Variants in ARHGAP6 observed in about 807,000 individuals in gnomAD.
ARHGAP6 encodes Rho GTPase activating protein 6.
A neutral mutation model predicts 55.7 loss-of-function variants in ARHGAP6; 16 were observed. The observed-to-expected ratio is 0.29, with a 90% CI of 0.19 to 0.44. ARHGAP6 has a LOEUF of 0.44. Ranked by LOEUF, ARHGAP6 falls within the 20% of genes least tolerant of loss-of-function variation. ARHGAP6 has a pLI of 1.00. For synonymous variants in ARHGAP6, 382 were observed against 360.9 expected (o/e 1.06, Z -0.66); for missense variants, 698 against 808.9 (o/e 0.86, Z 1.66).
At chrX:11,452,302 C>T (rs2050150747) in intron 1 of ARHGAP6, among the ~76,000 whole-genome samples, 1 of 111,640 alleles carries the variant, frequency 9.0e-6, no homozygotes, top group Non-Finnish European at 1.9e-5. Flanking sequence ...CATGCACCAT[C>T]ATGCCCAGCT....
intron 1 of ARHGAP6, among the ~76,000 whole-genome samples, chrX:11,498,662 G>T (rs2050647105): frequency 9.0e-6 from 1 of 111,382 alleles, no homozygotes; most frequent in African/African-American, 3.3e-5. Flanking sequence ...AATCAAAGTG[G>T]GGTAACATTT....
At chrX:11,386,057 C>T (rs1328703962) in intron 1 of ARHGAP6, among the ~76,000 whole-genome samples, 1 of 112,328 alleles carries the variant, frequency 8.9e-6, no homozygotes, top group Admixed American at 9.4e-5. Flanking sequence ...ACAGCAAAGA[C>T]AATTCCTGAG....
chrX:11,568,960 G>T (rs2051480623), intron 1 of ARHGAP6, among the ~76,000 whole-genome samples: 2 of 111,811 alleles, frequency 1.8e-5, no homozygotes, highest in African/African-American at 6.5e-5. Context: ...TAAAATCTAT[G>T]TCTAGGCCCA....
At chrX:11,225,922 C>A (rs750421269) in intron 2 of ARHGAP6, among the ~76,000 whole-genome samples, 2 of 109,299 alleles carry the variant, frequency 1.8e-5, no homozygotes, top group African/African-American at 6.6e-5. Flanking sequence ...CTTTAACTGA[C>A]TTCTAGGATT....
At chrX:11,364,156 T>C (rs1269398088) in intron 1 of ARHGAP6, among the ~76,000 whole-genome samples, 1 of 110,461 alleles carries the variant, frequency 9.1e-6, no homozygotes, top group Non-Finnish European at 1.9e-5. Flanking sequence ...AAACATTTAG[T>C]ACACATGGAT....
intron 1 of ARHGAP6, among the ~76,000 whole-genome samples, chrX:11,638,481 T>A (rs1169571602): frequency 8.9e-6 from 1 of 111,979 alleles, no homozygotes; most frequent in Non-Finnish European, 1.9e-5. Flanking sequence ...TTAGACACTT[T>A]TAGTGATTAC....
In ARHGAP6 at chrX:11,188,749, C is replaced by T. The variant is rs760705067; in HGVS notation, c.1056G>A (p.Pro352=). The T allele has an allele frequency of 1.1e-5, 13 of 1,209,400 alleles. No homozygotes were observed. The highest frequency in any genetic ancestry group is 6.6e-5 in the Admixed American group (3 of 45,759). The change falls in exon 4 of 13, where the codon CCG becomes CCA. Residue 352 remains proline (P), a synonymous_variant. Transcript: ENST00000337414. ...NESTSPNTPE[P]APRARRRGAM... The stretch of plus-strand genomic sequence containing the variant: ...TCACCCTCCTCCTAGCCCGAGGAGC[C>T]GGTTCCGGGGTGTTTGGGGACGTTG...
chrX:11,493,885 G>C (rs1370310886), intron 1 of ARHGAP6, among the ~76,000 whole-genome samples: 1 of 100,040 alleles, frequency 1.0e-5, no homozygotes, highest in Non-Finnish European at 2.0e-5. Context: ...CCAGGCTGGA[G>C]TATAATAGCA....
intron 1 of ARHGAP6, among the ~76,000 whole-genome samples, chrX:11,393,629 G>T (rs1013368246): frequency 9.0e-6 from 1 of 111,333 alleles, no homozygotes; most frequent in Non-Finnish European, 1.9e-5. Flanking sequence ...TGTGTTCAAT[G>T]CATTACCTGA....
chrX:11,423,970 T>C (rs1226536627), intron 1 of ARHGAP6, among the ~76,000 whole-genome samples: 3 of 112,533 alleles, frequency 2.7e-5, no homozygotes, highest in Non-Finnish European at 3.8e-5. Flanking sequence ...CATAAAGATA[T>C]TGCATTGAAC....
chrX:11,153,221 A>G (rs1240337069), intron 10 of ARHGAP6, among the ~76,000 whole-genome samples: 4 of 111,339 alleles, frequency 3.6e-5, no homozygotes, highest in Non-Finnish European at 5.7e-5. Context: ...GGTGATACCC[A>G]TGCATAGTAA....
intron 1 of ARHGAP6, among the ~76,000 whole-genome samples, chrX:11,373,854 C>G (rs997513470): frequency 1.8e-5 from 2 of 111,867 alleles, no homozygotes; most frequent in Non-Finnish European, 3.8e-5. Context: ...CATTTCTTTC[C>G]TTCATTTTCA....
At chrX:11,464,934 G>A (rs969515326) in intron 1 of ARHGAP6, among the ~76,000 whole-genome samples, 3 of 111,969 alleles carry the variant, frequency 2.7e-5, no homozygotes, top group South Asian at 3.8e-4. Flanking sequence ...CGGCTTCCAA[G>A]CCTAGAACAA....
chrX:11,209,267 G>A (rs2046752855), intron 2 of ARHGAP6, among the ~76,000 whole-genome samples: 1 of 111,591 alleles, frequency 9.0e-6, no homozygotes, highest in Admixed American at 9.5e-5. Context: ...TCAGCCACCC[G>A]AGTATCTGGG....
chrX:11,312,699 T>G (rs150568503), intron 1 of ARHGAP6, among the ~76,000 whole-genome samples: 4,112 of 111,503 alleles, frequency 0.037, 95 homozygotes, highest in Non-Finnish European at 0.056. Flanking sequence ...TGATGATGAT[T>G]ATTATTATTA....
At chrX:11,262,133 TAC>T in intron 1 of ARHGAP6, among the ~76,000 whole-genome samples, 1 of 112,133 alleles carries the variant, frequency 8.9e-6, no homozygotes, top group East Asian at 2.8e-4. Context: ...CTACGTATTA[TAC>T]ACATAAACAG....
intron 1 of ARHGAP6, among the ~76,000 whole-genome samples, chrX:11,593,368 C>A (rs1045385026): frequency 9.0e-6 from 1 of 111,469 alleles, no homozygotes; most frequent in Non-Finnish European, 1.9e-5. Context: ...CCATATGATT[C>A]CAGTTATACA....
chrX:11,505,995 T>C (rs2050728398), intron 1 of ARHGAP6, among the ~76,000 whole-genome samples: 1 of 110,077 alleles, frequency 9.1e-6, no homozygotes, highest in Admixed American at 9.7e-5. Flanking sequence ...ATAACAAGAG[T>C]TTACCTATAT....
chrX:11,507,379 C>T (rs1168221302), intron 1 of ARHGAP6, among the ~76,000 whole-genome samples: 1 of 111,735 alleles, frequency 8.9e-6, no homozygotes, highest in Non-Finnish European at 1.9e-5. Flanking sequence ...AAAGATTCCA[C>T]ATCTCAGTCT....
Sources: gnomAD v4.1 joint callset for allele counts (sites outside exome capture counted in the v4.1 genomes callset) on GRCh38, gnomAD v4.1.1 for gene constraint, MANE v1.5 for transcripts, NCBI Gene and HGNC (gene_info 2026-07-23, HGNC 2026-07-21) for gene names.